The following ABCB11 variants were observed in gnomAD, a reference collection of about 807,000 sequenced individuals.
ABCB11 encodes ATP binding cassette subfamily B member 11, also known as bile salt export pump.
In ABCB11, 95 loss-of-function variants were observed where a neutral mutation model predicts 148.0. The observed-to-expected ratio is 0.64, with a 90% CI of 0.54 to 0.76. ABCB11 has a LOEUF of 0.76. Ranked by LOEUF, ABCB11 falls within the 30% of genes least tolerant of loss-of-function variation. The pLI, the probability that ABCB11 is intolerant of heterozygous loss-of-function variation, is 0.00. For missense variants in ABCB11, 1,523 were observed against 1,617.8 expected (o/e 0.94, Z 1.01); for synonymous variants, 591 against 555.4 (o/e 1.06, Z -0.90).
At chr2:168,925,185 A>G (rs972387669) in intron 26 of ABCB11, among the ~76,000 whole-genome samples, 2 of 152,192 alleles carry the variant, frequency 1.3e-5, no homozygotes. Context: ...AAGAATGGAA[A>G]TGTCTTTTGC....
chr2:168,916,215 T>C (rs1041501098), downstream of ABCB11, among the ~76,000 whole-genome samples: 11 of 152,234 alleles, frequency 7.2e-5, no homozygotes, highest in African/African-American at 2.4e-4. Flanking sequence ...TAGGCACTTG[T>C]TCTCTGTCAC....
chr2:168,986,811 A>G (rs1052797416), intron 9 of ABCB11, among the ~76,000 whole-genome samples: 1 of 152,286 alleles, frequency 6.6e-6, no homozygotes, highest in Admixed American at 6.5e-5. Flanking sequence ...AGACATGGAT[A>G]ACTGAAACTA....
chr2:169,029,774 C>T (rs1175153261), intron 1 of ABCB11, among the ~76,000 whole-genome samples: 2 of 107,356 alleles, frequency 1.9e-5, no homozygotes, highest in Non-Finnish European at 3.6e-5. Flanking sequence ...CGCTCTGTCG[C>T]CCAGGCCGGA....
intron 12 of ABCB11, among the ~76,000 whole-genome samples, chr2:168,976,246 T>A (rs558532636): frequency 2.1e-4 from 32 of 152,108 alleles, no homozygotes; most frequent in Admixed American, 2.1e-3. Context: ...TGCTTCCTGA[T>A]TGTTGTAATT....
chr2:169,019,125 C>T (rs1312422895), intron 1 of ABCB11, among the ~76,000 whole-genome samples: 1 of 152,014 alleles, frequency 6.6e-6, no homozygotes, highest in Non-Finnish European at 1.5e-5. Context: ...ACCATTGAAG[C>T]ATCTATTCCT....
rs752992432 is a variant in ABCB11, at chr2:168,996,709, C to G, written c.403G>C (p.Glu135Gln). Residue 135 changes from glutamate (E) to glutamine (Q), a missense_variant, in exon 6 of 28, where the codon GAG becomes CAG. Glu to Gln is a conservative substitution (Grantham distance 29, BLOSUM62 2). Transcript: ENST00000650372. ...CTGGCAAATTTGATCATTTCGCTCT[C>G]GATGTTCAGCAACCTTCAAAAGAGG... ...NGTRCGLLNI[E>Q]SEMIKFASYY... 6.4e-7 allele frequency: 1 copy of G among 1,557,456 alleles called. No individual in the cohort carries two copies. The highest frequency in any genetic ancestry group is 8.7e-7 in the Non-Finnish European group (1 of 1,148,096).
chr2:169,025,654 G>T (rs1695673588), intron 1 of ABCB11, among the ~76,000 whole-genome samples: 1 of 152,114 alleles, frequency 6.6e-6, no homozygotes, highest in Admixed American at 6.6e-5. Flanking sequence ...CTTACATTTT[G>T]CTTCTTTCCG....
intron 14 of ABCB11, chr2:168,970,522 T>A: frequency 2.1e-6 from 1 of 482,366 alleles, no homozygotes; most frequent in Non-Finnish European, 3.6e-6. Context: ...CCTAAATATC[T>A]ATCTCAGAGG....
intron 1 of ABCB11, among the ~76,000 whole-genome samples, chr2:169,021,109 T>C (rs1695525545): frequency 6.6e-6 from 1 of 151,936 alleles, no homozygotes. Flanking sequence ...ATTACGGGTA[T>C]GAGCCACCAT....
At chr2:168,995,317 C>G (rs757339032) in intron 7 of ABCB11, 32 bp downstream of exon 7, 1 of 1,574,136 alleles carries the variant, frequency 6.4e-7, no homozygotes, top group East Asian at 2.3e-5. Flanking sequence ...CCAAAAATCA[C>G]ACACTAAAAT....
At chr2:168,930,953 T>C in intron 24 of ABCB11, 91 bp from the exon 25 acceptor site, 2 of 1,163,936 alleles carry the variant, frequency 1.7e-6, no homozygotes, top group Non-Finnish European at 2.4e-6. Context: ...AATCCCTGCT[T>C]GAGATACCTT....
chr2:168,999,013 G>T (rs2106020637), intron 5 of ABCB11, among the ~76,000 whole-genome samples: 1 of 152,154 alleles, frequency 6.6e-6, no homozygotes, highest in East Asian at 1.9e-4. Context: ...TTGCCTGAAT[G>T]TTGGGAACAC....
chr2:169,014,534 A>G (rs1231044675), intron 3 of ABCB11, among the ~76,000 whole-genome samples, 180 bp from the exon 4 acceptor site: 2 of 152,180 alleles, frequency 1.3e-5, no homozygotes, highest in East Asian at 1.9e-4. Flanking sequence ...TCCCTCTTCT[A>G]GAGATTTCAG....
rs974838475 is a variant in ABCB11 at position 169,016,966 on chromosome 2, C to T, written c.77-167G>A. Among the ~76,000 whole-genome samples the T allele has an allele frequency of 1.3e-4, 19 of 143,806 alleles. No individual in the cohort carries two copies. The Admixed American group carries it at 1.4e-3, about 10-fold the overall frequency. 94.3% of individuals were successfully genotyped at this position (143,806 alleles called of 152,430 possible). ...TTCTTTCTTCCTGCTCATATTGTCT[C>T]TCTCTATCTTTCTACACACACACAC... On this transcript the variant is annotated intron_variant, in intron 2 of 27. Transcript: ENST00000650372.
In ABCB11 at chr2:168,923,222, C is replaced by G. The variant is rs902869363; in HGVS notation, c.*400G>C. 3 of 207,238 alleles carry G rather than the reference C, an allele frequency of 1.4e-5. No homozygotes were observed. Among genetic ancestry groups the G allele is most frequent in the Non-Finnish European group, 2.0e-5 (2 of 102,184 alleles). The allele number at this position is 207,238 out of a possible 1,614,324, so 12.8% of individuals were successfully genotyped here. ...TGTTATAGACCCGCCTCTGTGTACA[C>G]CGAGGGTTCAAAAATGAAAGACAGT... On this transcript the variant is annotated 3_prime_UTR_variant, in exon 28 of 28. Transcript: ENST00000650372.
chr2:168,953,629 T>G (rs1692663334), intron 19 of ABCB11, among the ~76,000 whole-genome samples: 1 of 145,170 alleles, frequency 6.9e-6, no homozygotes, highest in Non-Finnish European at 1.5e-5. Flanking sequence ...AGTTGGATTA[T>G]TTTTTTAATC....
intron 9 of ABCB11, among the ~76,000 whole-genome samples, chr2:168,990,401 G>T (rs1694473459): frequency 1.3e-5 from 2 of 151,958 alleles, no homozygotes; most frequent in Non-Finnish European, 2.9e-5. Flanking sequence ...GTTGGCGTTT[G>T]TTTTTAGTAA....
At chr2:168,955,906 C>T (rs1692767528) in intron 19 of ABCB11, among the ~76,000 whole-genome samples, 1 of 151,598 alleles carries the variant, frequency 6.6e-6, no homozygotes, top group African/African-American at 2.4e-5. Context: ...TGCTCCAGGC[C>T]ACATGCAGGT....
At chr2:168,930,414 T>G (rs1691512993) in intron 25 of ABCB11, among the ~76,000 whole-genome samples, 2 of 152,258 alleles carry the variant, frequency 1.3e-5, no homozygotes, top group South Asian at 4.1e-4. Flanking sequence ...TCTCCAGCTT[T>G]GCAGTGTGCC....
Sources: gnomAD v4.1 joint callset for allele counts (sites outside exome capture counted in the v4.1 genomes callset) on GRCh38, gnomAD v4.1.1 for gene constraint, MANE v1.5 for transcripts, NCBI Gene and HGNC (gene_info 2026-07-23, HGNC 2026-07-21) for gene names.